Variants in HS6ST3 observed in about 807,000 individuals in gnomAD.
HS6ST3 encodes the protein heparan-sulfate 6-O-sulfotransferase 3.
Under a neutral mutation model 36.7 loss-of-function variants are expected in HS6ST3, and 12 were observed. The ratio of observed to expected loss-of-function variants is 0.33; its 90% CI spans 0.21 to 0.53. HS6ST3 has a LOEUF of 0.53. Ranked by LOEUF, HS6ST3 falls within the 20% of genes least tolerant of loss-of-function variation. The probability of loss-of-function intolerance (pLI) is 0.95; values close to 1 mark genes in which losing one functional copy is unlikely to be tolerated. For synonymous variants in HS6ST3, 240 were observed against 257.5 expected (o/e 0.93, Z 0.65); for missense variants, 584 against 640.9 (o/e 0.91, Z 0.96).
intron 1 of HS6ST3, among the ~76,000 whole-genome samples, chr13:96,176,913 A>G (rs1022102271): frequency 6.6e-6 from 1 of 152,214 alleles, no homozygotes; most frequent in African/African-American, 2.4e-5. Flanking sequence ...AAGAACTTAA[A>G]CAAATTTACA....
chr13:96,658,544 A>C (rs1384314356), intron 1 of HS6ST3, among the ~76,000 whole-genome samples: 3 of 149,806 alleles, frequency 2.0e-5, no homozygotes, highest in Non-Finnish European at 4.4e-5. Context: ...TGGCCTCCCA[A>C]AGTGCTGGGA....
chr13:96,635,155 A>T (rs1362474704), intron 1 of HS6ST3, among the ~76,000 whole-genome samples: 9 of 152,178 alleles, frequency 5.9e-5, no homozygotes, highest in Non-Finnish European at 8.8e-5. Context: ...TGCACAAATA[A>T]ATGTTACTCC....
chr13:96,182,214 A>G (rs1236681073), intron 1 of HS6ST3, among the ~76,000 whole-genome samples: 1 of 152,142 alleles, frequency 6.6e-6, no homozygotes, highest in Non-Finnish European at 1.5e-5. Context: ...CATTAATTTG[A>G]GTTTCTGAGA....
At chr13:96,559,095 T>TA (rs2056252096) in intron 1 of HS6ST3, among the ~76,000 whole-genome samples, 1 of 149,004 alleles carries the variant, frequency 6.7e-6, no homozygotes, top group South Asian at 2.1e-4. Context: ...TCTATCTATC[T>TA]ATCTATCTAT....
chr13:96,414,680 C>A (rs1358116236), intron 1 of HS6ST3, among the ~76,000 whole-genome samples: 1 of 152,084 alleles, frequency 6.6e-6, no homozygotes, highest in African/African-American at 2.4e-5. Context: ...TGGAGTTTTA[C>A]CATGTTGGCC....
chr13:96,658,725 G>A (rs2139017936), intron 1 of HS6ST3, among the ~76,000 whole-genome samples: 1 of 150,904 alleles, frequency 6.6e-6, no homozygotes, highest in Non-Finnish European at 1.5e-5. Context: ...TTATTTTTGA[G>A]ATGGAGTTTC....
chr13:96,548,113 C>T (rs1050562705), intron 1 of HS6ST3, among the ~76,000 whole-genome samples: 4 of 152,130 alleles, frequency 2.6e-5, no homozygotes, highest in African/African-American at 9.7e-5. Flanking sequence ...CACACCGTGC[C>T]TCCCACCTCC....
intron 1 of HS6ST3, among the ~76,000 whole-genome samples, chr13:96,494,051 A>G (rs2055960171): frequency 6.6e-6 from 1 of 152,138 alleles, no homozygotes; most frequent in Non-Finnish European, 1.5e-5. Flanking sequence ...ATGCATCAGA[A>G]TAACCCCTGG....
At chr13:96,143,381 A>G (rs1227818146) in intron 1 of HS6ST3, among the ~76,000 whole-genome samples, 1 of 149,524 alleles carries the variant, frequency 6.7e-6, no homozygotes, top group Non-Finnish European at 1.5e-5. Flanking sequence ...GTTAAAAAAT[A>G]TATAAACATA....
chr13:96,509,912 T>C (rs1333080991), intron 1 of HS6ST3, among the ~76,000 whole-genome samples: 1 of 152,088 alleles, frequency 6.6e-6, no homozygotes, highest in South Asian at 2.1e-4. Context: ...GAATTGCATT[T>C]AATCTGTAGA....
intron 1 of HS6ST3, among the ~76,000 whole-genome samples, chr13:96,674,261 C>T (rs1168781288): frequency 6.6e-6 from 1 of 152,098 alleles, no homozygotes; most frequent in African/African-American, 2.4e-5. Context: ...TCACCTTCCG[C>T]CATGATTGTG....
chr13:96,689,331 T>C (rs1874872713), intron 1 of HS6ST3, among the ~76,000 whole-genome samples: 1 of 152,074 alleles, frequency 6.6e-6, no homozygotes, highest in Admixed American at 6.6e-5. Context: ...ATCCAAAATG[T>C]TGGGGACAAT....
intron 1 of HS6ST3, among the ~76,000 whole-genome samples, chr13:96,714,855 T>G (rs1490608694): frequency 6.6e-6 from 1 of 152,098 alleles, no homozygotes; most frequent in Non-Finnish European, 1.5e-5. Context: ...CACACCGCCA[T>G]GCCCAGTTAA....
chr13:96,605,770 C>G (rs1339124409), intron 1 of HS6ST3, among the ~76,000 whole-genome samples: 4 of 149,956 alleles, frequency 2.7e-5, no homozygotes, highest in Non-Finnish European at 5.9e-5. Context: ...TTGTTTACAG[C>G]AAAGGAAACT....
At chr13:96,640,807 A>G (rs780170005) in intron 1 of HS6ST3, among the ~76,000 whole-genome samples, 5 of 151,968 alleles carry the variant, frequency 3.3e-5, no homozygotes, top group Non-Finnish European at 7.4e-5. Context: ...CATTTATTGA[A>G]TAGAGAGTCT....
intron 1 of HS6ST3, among the ~76,000 whole-genome samples, chr13:96,745,333 C>T (rs1258367455): frequency 3.9e-5 from 6 of 151,958 alleles, no homozygotes; most frequent in African/African-American, 1.4e-4. Flanking sequence ...AATCAAAAGG[C>T]AAAAGAGAAC....
intron 1 of HS6ST3, among the ~76,000 whole-genome samples, chr13:96,177,522 C>T (rs2054218226): frequency 6.6e-6 from 1 of 151,940 alleles, no homozygotes; most frequent in African/African-American, 2.4e-5. Context: ...AATGCAGGAA[C>T]AGAAAACCAA....
chr13:96,725,610 A>G (rs1875983339), intron 1 of HS6ST3, among the ~76,000 whole-genome samples: 1 of 152,040 alleles, frequency 6.6e-6, no homozygotes, highest in Non-Finnish European at 1.5e-5. Context: ...TTATTTTTGC[A>G]TAGGGATATC....
Position 96,446,102 on chromosome 13 carries a change from G to A in HS6ST3, c.707+354533G>A, listed in dbSNP as rs7323615. 3.8e-3 allele frequency among the ~76,000 whole-genome samples: 581 copies of A among 151,164 alleles called. 4 individuals carry two copies. Among genetic ancestry groups the A allele is most frequent in the African/African-American group, 0.014 (560 of 41,124 alleles). On this transcript the variant is annotated intron_variant, in intron 1 of 1. Coordinates refer to ENST00000376705, the MANE Select transcript of HS6ST3 (RefSeq NM_153456.4). ...GCAGGAGAATGGCGTGAACCCAGGA[G>A]GCAGAGCCTGCAGTGAGCCGAGATC...
Sources: allele counts gnomAD v4.1 joint callset (sites outside exome capture counted in the v4.1 genomes callset), GRCh38; gene constraint gnomAD v4.1.1; transcripts MANE v1.5; gene names NCBI Gene and HGNC (gene_info 2026-07-23, HGNC 2026-07-21).